DPP8: variants seen among roughly 807,000 people sequenced by gnomAD.
The protein encoded by DPP8 is DPP VIII.
In DPP8, 31 loss-of-function variants were observed where a neutral mutation model predicts 107.5. That is an observed-to-expected ratio of 0.29 (90% CI 0.22 to 0.39). DPP8 has a LOEUF of 0.39. DPP8 is among the 10% of genes least tolerant of loss of function. The pLI, the probability that DPP8 is intolerant of heterozygous loss-of-function variation, is 1.00. For synonymous variants in DPP8, 381 were observed against 356.6 expected (o/e 1.07, Z -0.77); for missense variants, 842 against 1,076.1 (o/e 0.78, Z 3.04).
chr15:65,488,189 T>C (rs940696671), intron 6 of DPP8, among the ~76,000 whole-genome samples: 23 of 152,170 alleles, frequency 1.5e-4, no homozygotes, highest in African/African-American at 3.9e-4. Context: ...AGTTCAGTTG[T>C]TTTGAATAGT....
Position 65,456,310 on chromosome 15 carries a change from G to GT in DPP8, c.2032_2033insA (p.Ser678TyrfsTer20). The GT allele has an allele frequency of 6.2e-7, 1 of 1,614,006 alleles. No homozygotes were observed. The highest frequency in any genetic ancestry group is 8.5e-7 in the Non-Finnish European group (1 of 1,179,908). ...TATCACTACAACCACATAACCTAGA[G>GT]AGGCTAGGGTATTCAAGCGGAAATA... On this transcript the variant is annotated frameshift_variant, in exon 16 of 20. Coordinates refer to ENST00000300141, the MANE Select transcript of DPP8 (RefSeq NM_130434.5). LOFTEE classifies it high-confidence loss of function.
intron 3 of DPP8, among the ~76,000 whole-genome samples, chr15:65,505,186 C>T (rs1374437385): frequency 2.0e-5 from 3 of 151,196 alleles, no homozygotes; most frequent in Admixed American, 6.6e-5. Context: ...AAACCCCGTC[C>T]GTACTAAAAA....
intron 15 of DPP8, among the ~76,000 whole-genome samples, chr15:65,462,452 G>T (rs1243180237): frequency 2.0e-5 from 3 of 152,046 alleles, no homozygotes; most frequent in Non-Finnish European, 2.9e-5. Flanking sequence ...TTATTAAAGG[G>T]TATTACTGAA....
chr15:65,471,395 A>G (rs1052984775), intron 12 of DPP8, among the ~76,000 whole-genome samples: 2 of 152,086 alleles, frequency 1.3e-5, no homozygotes, highest in African/African-American at 4.8e-5. Flanking sequence ...CACCCAGGCT[A>G]TAGCATAGCA....
chr15:65,484,671 A>G lies in DPP8; in HGVS notation c.1017+428T>C, dbSNP rs373184904. Among the ~76,000 whole-genome samples the G allele has an allele frequency of 4.6e-5, 7 of 151,890 alleles. No individual in the cohort carries two copies. In the East Asian group the frequency reaches 9.7e-4, roughly 21 times the overall value. ...CTCTTAACTCAAAAAAAAAAAAAAAAAAGTCTAGAAGAGCAAGACTTTTTT... is the reference window on the plus strand; with the variant it reads ...CTCTTAACTCAAAAAAAAAAAAAAAGAAGTCTAGAAGAGCAAGACTTTTTT... On this transcript the variant is annotated intron_variant, in intron 8 of 19. Transcript: ENST00000300141.
At chr15:65,503,458 TG>T (rs1263346978) in intron 3 of DPP8, among the ~76,000 whole-genome samples, 3 of 151,574 alleles carry the variant, frequency 2.0e-5, no homozygotes, top group African/African-American at 7.3e-5. Context: ...TTTTTTTTTT[TG>T]AGACAGAGTC....
intron 6 of DPP8, 41 bp from the exon 7 acceptor site, chr15:65,487,859 TC>T (rs2067593383): frequency 7.2e-7 from 1 of 1,384,840 alleles, no homozygotes. Flanking sequence ...GAAGAATTAT[TC>T]CAGAGAGTAG....
intron 3 of DPP8, among the ~76,000 whole-genome samples, chr15:65,502,087 C>T (rs999785467): frequency 1.6e-4 from 25 of 152,106 alleles, no homozygotes; most frequent in Non-Finnish European, 3.4e-4. Context: ...AATGGAGTTT[C>T]GCCATGTTGG....
chr15:65,450,571 G>A (rs600210), intron 19 of DPP8, among the ~76,000 whole-genome samples: 9,175 of 152,268 alleles, frequency 0.06, 280 homozygotes, highest in African/African-American at 0.082. Flanking sequence ...ATGGAGGAGA[G>A]TAACTTGCTG....
chr15:65,509,997 G>C (rs1352918913), intron 2 of DPP8, among the ~76,000 whole-genome samples: 1 of 151,792 alleles, frequency 6.6e-6, no homozygotes, highest in Non-Finnish European at 1.5e-5. Context: ...CTCCAGCCTG[G>C]GCAACAGAGT....
At chr15:65,483,542 A>T (rs76236051) in intron 8 of DPP8, among the ~76,000 whole-genome samples, 68 of 151,822 alleles carry the variant, frequency 4.5e-4, no homozygotes, top group African/African-American at 1.6e-3. Flanking sequence ...TTTAGTAGAG[A>T]TGGGGTTTTA....
At chr15:65,514,136 G>A (rs1369126252) in intron 1 of DPP8, among the ~76,000 whole-genome samples, 3 of 152,150 alleles carry the variant, frequency 2.0e-5, no homozygotes, top group African/African-American at 4.8e-5. Flanking sequence ...TTAAGCACAC[G>A]TTACTGGCAT....
intron 8 of DPP8, among the ~76,000 whole-genome samples, chr15:65,482,706 A>G (rs1216784645): frequency 6.6e-6 from 1 of 152,238 alleles, no homozygotes; most frequent in African/African-American, 2.4e-5. Context: ...AGTCCTCCAA[A>G]GAAAATATAT....
chr15:65,481,654 A>G (rs2066935412), intron 8 of DPP8, 39 bp from the exon 9 acceptor site: 2 of 1,161,860 alleles, frequency 1.7e-6, no homozygotes, highest in East Asian at 5.4e-5. Flanking sequence ...GTTATAGAAG[A>G]TTTAGATAAA....
At chr15:65,462,199 C>A (rs1303807694) in intron 15 of DPP8, among the ~76,000 whole-genome samples, 1 of 151,572 alleles carries the variant, frequency 6.6e-6, no homozygotes, top group African/African-American at 2.4e-5. Context: ...GAACTCCTGA[C>A]CTCAGGTGAT....
chr15:65,447,858 C>T (rs2063582961), intron 19 of DPP8, among the ~76,000 whole-genome samples: 1 of 152,166 alleles, frequency 6.6e-6, no homozygotes, highest in African/African-American at 2.4e-5. Context: ...AACTAATGAG[C>T]TTCCCAATAC....
intron 14 of DPP8, 134 bp from the exon 15 acceptor site, chr15:65,464,040 A>G (rs772569533): frequency 6.1e-6 from 4 of 651,578 alleles, no homozygotes; most frequent in Non-Finnish European, 9.9e-6. Context: ...ATGATAAGCT[A>G]GAATTTAAGC....
chr15:65,472,452 C>T (rs1212595413), intron 12 of DPP8, among the ~76,000 whole-genome samples: 1 of 151,962 alleles, frequency 6.6e-6, no homozygotes, highest in Non-Finnish European at 1.5e-5. Context: ...CATCACCATG[C>T]CCAGCTAATT....
At chr15:65,484,558 G>C (rs1241570672) in intron 8 of DPP8, among the ~76,000 whole-genome samples, 1 of 151,034 alleles carries the variant, frequency 6.6e-6, no homozygotes, top group East Asian at 1.9e-4. Flanking sequence ...AAAAAGTCTA[G>C]AAGAGGAAGA....
Sources: allele counts gnomAD v4.1 joint callset (sites outside exome capture counted in the v4.1 genomes callset), GRCh38; gene constraint gnomAD v4.1.1; transcripts MANE v1.5; gene names NCBI Gene and HGNC (gene_info 2026-07-23, HGNC 2026-07-21).